The following DLG2 variants were observed in gnomAD, a reference collection of about 807,000 sequenced individuals.
DLG2 encodes the protein disks large homolog 2.
Under a neutral mutation model 132.5 loss-of-function variants are expected in DLG2, and 45 were observed. The ratio of observed to expected loss-of-function variants is 0.34; its 90% CI spans 0.27 to 0.44. The LOEUF (loss-of-function observed/expected upper bound fraction) is 0.44. Ranked by LOEUF, DLG2 falls within the 20% of genes least tolerant of loss-of-function variation. DLG2 has a pLI of 1.00. For missense variants in DLG2, 1,045 were observed against 1,196.9 expected (o/e 0.87, Z 1.87); for synonymous variants, 424 against 419.6 (o/e 1.01, Z -0.13).
chr11:83,504,240 G>C (rs1377963285), intron 21 of DLG2, among the ~76,000 whole-genome samples: 1 of 152,088 alleles, frequency 6.6e-6, no homozygotes, highest in East Asian at 1.9e-4. Flanking sequence ...TATTCCCTTT[G>C]CCTTCAGCAA....
At position 84,059,454 on chromosome 11, in the gene DLG2, C is replaced by G. The variant is rs759334756; in HGVS notation, c.780G>C (p.Glu260Asp). ...RVNDCILRVN[E>D]VDVSEVSHSK... ...TGTGGGAAACCTCTGACACATCAAC[C>G]TCATTCACCCGCAAGATACAATCAT... Residue 260 changes from glutamate (E) to aspartate (D), a missense_variant, in exon 11 of 28, where the codon GAG (glutamate) becomes GAC (aspartate). Around this residue, in one of 4 missense-constraint regions of DLG2, gnomAD observed 109 missense variants for 159.1 expected, o/e 0.69. Coordinates refer to ENST00000376104, the MANE Select transcript of DLG2 (RefSeq NM_001142699.3). The G allele has an allele frequency of 7.5e-6, 12 of 1,609,934 alleles. No individual in the cohort carries two copies. The South Asian group carries it at 1.3e-4, about 18-fold the overall frequency.
At chr11:84,364,236 A>G (rs1318256972) in intron 7 of DLG2, among the ~76,000 whole-genome samples, 5 of 151,930 alleles carry the variant, frequency 3.3e-5, no homozygotes, top group African/African-American at 9.7e-5. Context: ...ATCCCTTGTA[A>G]GTTGGATTCC....
chr11:83,777,792 G>A (rs1215233509), intron 18 of DLG2, among the ~76,000 whole-genome samples: 1 of 152,034 alleles, frequency 6.6e-6, no homozygotes, highest in Non-Finnish European at 1.5e-5. Flanking sequence ...AAAATGTATG[G>A]GGAAAAAAGG....
At chr11:84,846,552 T>A (rs2081502302) in intron 6 of DLG2, among the ~76,000 whole-genome samples, 1 of 152,130 alleles carries the variant, frequency 6.6e-6, no homozygotes, top group Admixed American at 6.6e-5. Context: ...ATCAAAAATG[T>A]CACCCTCCAA....
chr11:84,844,085 G>GTATA (rs1555254838), intron 6 of DLG2, among the ~76,000 whole-genome samples: 3 of 93,130 alleles, frequency 3.2e-5, no homozygotes, highest in East Asian at 2.8e-4. Context: ...GTGTGTGTGT[G>GTATA]TATATATATA....
intron 3 of DLG2, among the ~76,000 whole-genome samples, chr11:85,588,850 C>A (rs2079126652): frequency 6.6e-6 from 1 of 152,128 alleles, no homozygotes; most frequent in South Asian, 2.1e-4. Context: ...ATTCTTTTGT[C>A]CCATGGGGTG....
At chr11:85,072,345 G>T (rs4944507) in intron 6 of DLG2, among the ~76,000 whole-genome samples, 30,328 of 151,690 alleles carry the variant, frequency 0.2, 3,465 homozygotes, top group Middle Eastern at 0.28. Context: ...GAGTCCTACT[G>T]TGAAAATTTT....
At chr11:84,899,310 C>A (rs535381860) in intron 6 of DLG2, among the ~76,000 whole-genome samples, 1 of 152,094 alleles carries the variant, frequency 6.6e-6, no homozygotes, top group African/African-American at 2.4e-5. Flanking sequence ...TATGGTTGAC[C>A]TAAAGAAAAT....
chr11:84,172,248 A>T (rs1486421131), intron 8 of DLG2, among the ~76,000 whole-genome samples: 1 of 152,204 alleles, frequency 6.6e-6, no homozygotes, highest in African/African-American at 2.4e-5. Context: ...TAAAATATGC[A>T]GTTTTATTAA....
chr11:84,091,325 A>T (rs1302241377), intron 10 of DLG2, among the ~76,000 whole-genome samples: 6 of 151,632 alleles, frequency 4.0e-5, no homozygotes, highest in African/African-American at 1.5e-4. Context: ...TGTCTCCCTC[A>T]CTCCAGCTCA....
chr11:83,735,337 A>C (rs2091753292), intron 18 of DLG2, among the ~76,000 whole-genome samples: 1 of 152,216 alleles, frequency 6.6e-6, no homozygotes, highest in Non-Finnish European at 1.5e-5. Flanking sequence ...GTATTATACC[A>C]GGAAGACTAG....
At chr11:85,444,808 T>G (rs1247572541) in intron 3 of DLG2, among the ~76,000 whole-genome samples, 1 of 152,224 alleles carries the variant, frequency 6.6e-6, no homozygotes. Flanking sequence ...ACAAAAGTAA[T>G]TGTGGTTCTT....
At chr11:85,611,638 T>G (rs947098737) in intron 2 of DLG2, among the ~76,000 whole-genome samples, 1 of 152,212 alleles carries the variant, frequency 6.6e-6, no homozygotes, top group Non-Finnish European at 1.5e-5. Context: ...CTAGTGGCAC[T>G]TACCCGAGCC....
chr11:85,151,046 T>C (rs1189311010), intron 5 of DLG2, among the ~76,000 whole-genome samples: 2 of 152,226 alleles, frequency 1.3e-5, no homozygotes. Context: ...TTCTGTTATT[T>C]TGACAGCAGG....
intron 16 of DLG2, among the ~76,000 whole-genome samples, chr11:83,867,070 T>A (rs1482650284): frequency 9.9e-5 from 15 of 152,190 alleles, no homozygotes; most frequent in Admixed American, 9.2e-4. Context: ...TTGACAATGA[T>A]TCTAGTTAAC....
At chr11:84,962,770 A>G (rs979746523) in intron 6 of DLG2, among the ~76,000 whole-genome samples, 5 of 152,240 alleles carry the variant, frequency 3.3e-5, no homozygotes, top group Admixed American at 1.3e-4. Flanking sequence ...AGTAGTAGTG[A>G]TAAGTTGAAA....
At chr11:85,564,698 C>A (rs552290753) in intron 3 of DLG2, among the ~76,000 whole-genome samples, 1 of 151,998 alleles carries the variant, frequency 6.6e-6, no homozygotes, top group South Asian at 2.1e-4. Flanking sequence ...TGTCCAACTT[C>A]TCCTTCTTTT....
chr11:85,232,008 C>T (rs2075326914), intron 4 of DLG2, among the ~76,000 whole-genome samples: 1 of 151,778 alleles, frequency 6.6e-6, no homozygotes, highest in Non-Finnish European at 1.5e-5. Context: ...GTTCCTTCTC[C>T]ACACAGTTCT....
chr11:83,520,648 T>C (rs984204573), intron 21 of DLG2, among the ~76,000 whole-genome samples: 24 of 146,656 alleles, frequency 1.6e-4, no homozygotes, highest in African/African-American at 6.4e-4. Context: ...GGTAGATAGA[T>C]AGATAGATAG....
Sources: allele counts gnomAD v4.1 joint callset (sites outside exome capture counted in the v4.1 genomes callset), GRCh38; gene constraint gnomAD v4.1.1; regional missense constraint gnomAD v4.1.1; transcripts MANE v1.5; gene names NCBI Gene and HGNC (gene_info 2026-07-23, HGNC 2026-07-21).